Variants in GALNT7 observed in about 807,000 individuals in gnomAD.
The protein encoded by GALNT7 is N-acetylgalactosaminyltransferase 7.
Under a neutral mutation model 82.1 loss-of-function variants are expected in GALNT7, and 60 were observed. The observed-to-expected ratio is 0.73, with a 90% CI of 0.59 to 0.91. The LOEUF (loss-of-function observed/expected upper bound fraction) is 0.91. Ranked by LOEUF, GALNT7 falls within the 40% of genes least tolerant of loss-of-function variation. The pLI is 0.00. For missense variants in GALNT7, 660 were observed against 804.2 expected, an observed-to-expected ratio of 0.82 and a Z score of 2.17; for synonymous variants, 243 against 275.1, an observed-to-expected ratio of 0.88 and a Z score of 1.15.
chr4:173,297,602 A>C (rs1004220132), intron 5 of GALNT7, among the ~76,000 whole-genome samples: 3 of 152,198 alleles, frequency 2.0e-5, no homozygotes, highest in African/African-American at 7.2e-5. Flanking sequence ...CCTAGGGGGA[A>C]GTCTCCTCTC....
chr4:173,223,103 A>G (rs928764218), intron 1 of GALNT7, among the ~76,000 whole-genome samples: 5 of 152,224 alleles, frequency 3.3e-5, no homozygotes, highest in Non-Finnish European at 5.9e-5. Flanking sequence ...CCTAAGGACC[A>G]GCAATCTTTT....
At chr4:173,257,088 G>A (rs1735065236) in intron 2 of GALNT7, among the ~76,000 whole-genome samples, 1 of 152,076 alleles carries the variant, frequency 6.6e-6, no homozygotes, top group Non-Finnish European at 1.5e-5. Flanking sequence ...TGGAATATCT[G>A]GTAAAAGGAC....
Position 173,314,007 on chromosome 4 carries a change from T to G in GALNT7, c.1439T>G (p.Phe480Cys), listed in dbSNP as rs1418388824. ...EVWWDEYKDY[F>C]YASRPESQAL... ...TGGTGGGATGAATATAAAGACTACT[T>G]CTATGCTAGTCGTCCTGAATCGCAG... The change falls in exon 9 of 12, where the codon TTC (phenylalanine) becomes TGC (cysteine). Residue 480 changes from phenylalanine (F) to cysteine (C), a missense_variant. Transcript: ENST00000265000. 6.2e-7 allele frequency: 1 copy of G among 1,609,596 alleles called. No individual in the cohort carries two copies. Among genetic ancestry groups the G allele is most frequent in the Non-Finnish European group, 8.5e-7 (1 of 1,176,006 alleles).
At chr4:173,270,411 A>G (rs1735679249) in intron 2 of GALNT7, among the ~76,000 whole-genome samples, 1 of 152,174 alleles carries the variant, frequency 6.6e-6, no homozygotes, top group Non-Finnish European at 1.5e-5. Flanking sequence ...GGAATATTTT[A>G]GGGGATAATT....
chr4:173,296,348 A>G (rs1736716536), intron 5 of GALNT7, among the ~76,000 whole-genome samples: 1 of 152,228 alleles, frequency 6.6e-6, no homozygotes, highest in Non-Finnish European at 1.5e-5. Flanking sequence ...TTAAATTTCC[A>G]GAAATGTCTA....
At chr4:173,175,962 A>C (rs559233599) in intron 1 of GALNT7, among the ~76,000 whole-genome samples, 9 of 152,216 alleles carry the variant, frequency 5.9e-5, no homozygotes, top group African/African-American at 2.2e-4. Context: ...AATCCCAGCT[A>C]CTCAGGAGGC....
At chr4:173,189,169 C>A (rs1021588244) in intron 1 of GALNT7, among the ~76,000 whole-genome samples, 1 of 152,122 alleles carries the variant, frequency 6.6e-6, no homozygotes, top group African/African-American at 2.4e-5. Context: ...ACTGATCTTG[C>A]GGTTATTTAT....
rs139603031 is a variant in GALNT7 at position 173,237,012 on chromosome 4, G to A, written c.127-10968G>A. Reference sequence around the variant, plus strand: ...CCTCTTGATAGTTAAAAAGTAAAATGTCAAAAAGTTTATTACATAAATAAC... The same window carrying A: ...CCTCTTGATAGTTAAAAAGTAAAATATCAAAAAGTTTATTACATAAATAAC... On this transcript the variant is annotated intron_variant, in intron 1 of 11. Transcript: ENST00000265000. 3.8e-3 allele frequency among the ~76,000 whole-genome samples: 583 copies of A among 152,278 alleles called. 3 individuals carry two copies. The highest frequency in any genetic ancestry group is 0.013 in the African/African-American group (560 of 41,548).
rs1736928346 is a variant in GALNT7 at position 173,301,364 on chromosome 4, G to T, written c.1149-683G>T. Among the ~76,000 whole-genome samples, 3 of 152,230 alleles carry T rather than the reference G, an allele frequency of 2.0e-5. No homozygotes were observed. The South Asian group carries it at 6.2e-4, about 32-fold the overall frequency. ...TTTCTCCCAATGGTGGGAGTGACTTGTCCCTAAGAAGCTACCAAATCTTTT... is the reference window on the plus strand; with the variant it reads ...TTTCTCCCAATGGTGGGAGTGACTTTTCCCTAAGAAGCTACCAAATCTTTT... On this transcript the variant is annotated intron_variant, in intron 6 of 11. Transcript: ENST00000265000.
intron 5 of GALNT7, 128 bp downstream of exon 5, chr4:173,295,971 A>G (rs4696055): frequency 0.18 from 117,051 of 668,002 alleles, 12,243 homozygotes; most frequent in Admixed American, 0.28. Flanking sequence ...GTTATCCCTC[A>G]TCTATTTGTT....
intron 1 of GALNT7, among the ~76,000 whole-genome samples, chr4:173,200,507 T>C (rs536896604): frequency 6.6e-6 from 1 of 152,316 alleles, no homozygotes; most frequent in South Asian, 2.1e-4. Flanking sequence ...GAAGCCTAAT[T>C]AGCACATTAA....
At chr4:173,228,212 G>T (rs17323530) in intron 1 of GALNT7, among the ~76,000 whole-genome samples, 28,048 of 149,288 alleles carry the variant, frequency 0.19, 3,148 homozygotes, top group Admixed American at 0.31. Flanking sequence ...TCAATGTAGG[G>T]AATAAGGAAA....
intron 1 of GALNT7, among the ~76,000 whole-genome samples, chr4:173,199,359 C>T (rs1054012792): frequency 4.6e-5 from 7 of 152,092 alleles, no homozygotes; most frequent in South Asian, 2.1e-4. Context: ...CATCTGCATG[C>T]GAACACTGGG....
intron 1 of GALNT7, among the ~76,000 whole-genome samples, chr4:173,169,928 C>T (rs149027820): frequency 0.024 from 3,719 of 152,128 alleles, 112 homozygotes; most frequent in African/African-American, 0.073. Flanking sequence ...GAGCTCGCGG[C>T]GGCTCCGCTG....
intron 1 of GALNT7, among the ~76,000 whole-genome samples, chr4:173,225,061 A>G (rs957472831): frequency 1.3e-5 from 2 of 149,842 alleles, no homozygotes; most frequent in South Asian, 4.2e-4. Flanking sequence ...TTATAATTAT[A>G]TCTGTGCCCA....
intron 2 of GALNT7, among the ~76,000 whole-genome samples, chr4:173,262,180 T>C (rs1224449445): frequency 1.3e-5 from 2 of 152,108 alleles, no homozygotes; most frequent in African/African-American, 4.8e-5. Flanking sequence ...GGGGGGAGCA[T>C]TTTAATAGCT....
Position 173,321,672 on chromosome 4 carries a change from T to C in GALNT7, c.1929T>C (p.Ser643=), listed in dbSNP as rs1317569533. The change falls in exon 12 of 12, where the codon AGT becomes AGC. Residue 643 remains serine (S), a synonymous_variant. Coordinates refer to ENST00000265000, the MANE Select transcript of GALNT7 (RefSeq NM_017423.3). The part of the protein sequence containing the change: ...HQVFISNCDS[S]KTTQKWEMNN... ...TATTCATCTCCAATTGTGACTCCAG[T>C]AAAACGACTCAAAAATGGGAAATGA... 8.7e-6 allele frequency: 14 copies of C among 1,607,712 alleles called. No homozygotes were observed. Among genetic ancestry groups the C allele is most frequent in the Non-Finnish European group, 1.1e-5 (13 of 1,174,500 alleles).
Position 173,248,450 on chromosome 4 carries a change from C to T in GALNT7, c.587+10C>T. The T allele has an allele frequency of 6.6e-7, 1 of 1,515,590 alleles. No homozygotes were observed. The highest frequency in any genetic ancestry group is 1.4e-5 in the African/African-American group (1 of 72,132). 93.9% of individuals were successfully genotyped at this position (1,515,590 alleles called of 1,614,324 possible). ...ACTTACGCCAAGAAGAGTAAGCACA[C>T]ATCCTCTTCTTTCTAAAAATGGGGC... On this transcript the variant is annotated intron_variant, in intron 2 of 11. Coordinates refer to ENST00000265000, the MANE Select transcript of GALNT7 (RefSeq NM_017423.3).
chr4:173,185,304 A>G (rs1001656241), intron 1 of GALNT7, among the ~76,000 whole-genome samples: 9 of 152,082 alleles, frequency 5.9e-5, no homozygotes, highest in African/African-American at 1.9e-4. Flanking sequence ...TGGACAGCCC[A>G]TGTTATGTAC....
Sources: gnomAD v4.1 joint callset for allele counts (sites outside exome capture counted in the v4.1 genomes callset) on GRCh38, gnomAD v4.1.1 for gene constraint, MANE v1.5 for transcripts, NCBI Gene and HGNC (gene_info 2026-07-23, HGNC 2026-07-21) for gene names.